TG: variants seen among roughly 807,000 people sequenced by gnomAD.
The protein encoded by TG is thyroglobulin, also known as thyroid hormones.
Under a neutral mutation model 324.7 loss-of-function variants are expected in TG, and 270 were observed. The ratio of observed to expected loss-of-function variants is 0.83; its 90% CI spans 0.75 to 0.92. The LOEUF is 0.92. Ranked by LOEUF, TG falls within the 40% of genes least tolerant of loss-of-function variation. The pLI is 0.00. For missense variants in TG, 3,591 were observed against 3,456.4 expected, an observed-to-expected ratio of 1.04 and a Z score of -0.98; for synonymous variants, 1,401 against 1,327.0, an observed-to-expected ratio of 1.06 and a Z score of -1.21.
intron 41 of TG, chr8:133,048,003 CCCA>C: frequency 3.4e-6 from 3 of 870,124 alleles, no homozygotes; most frequent in Non-Finnish European, 5.7e-6. Flanking sequence ...GAATGCGCCA[CCCA>C]CCGTACTAAG....
At position 133,032,259 on chromosome 8, in the gene TG, G is replaced by A. The variant is rs186079221; in HGVS notation, c.7239+2236G>A. Reference sequence around the variant, plus strand: ...CTTTGATTCCAGTTTTCTGCAATCTGTCCCTCCGAAGGTGATCCATCTCAG... The same window carrying A: ...CTTTGATTCCAGTTTTCTGCAATCTATCCCTCCGAAGGTGATCCATCTCAG... On this transcript the variant is annotated intron_variant, in intron 41 of 47. Transcript: ENST00000220616. Among the ~76,000 whole-genome samples, 363 of 152,236 alleles carry A rather than the reference G, an allele frequency of 2.4e-3. 1 individual carries two copies. Among genetic ancestry groups the A allele is most frequent in the African/African-American group, 8.4e-3 (348 of 41,542 alleles).
At chr8:133,062,550 G>A (rs1842517185) in intron 41 of TG, among the ~76,000 whole-genome samples, 1 of 152,268 alleles carries the variant, frequency 6.6e-6, no homozygotes, top group African/African-American at 2.4e-5. Context: ...TGCCTCCGAG[G>A]CCCGGGTCAG....
chr8:132,874,176 G>C (rs1839754680), intron 5 of TG, among the ~76,000 whole-genome samples: 1 of 151,776 alleles, frequency 6.6e-6, no homozygotes, highest in Non-Finnish European at 1.5e-5. Flanking sequence ...CATCTCAAAA[G>C]AAAAATAAAA....
intron 26 of TG, among the ~76,000 whole-genome samples, chr8:132,942,614 C>T (rs112413524): frequency 1.3e-5 from 2 of 152,068 alleles, no homozygotes; most frequent in Admixed American, 6.5e-5. Context: ...CAGTGTGCAC[C>T]GTGAAAGGGG....
Position 132,888,058 on chromosome 8 carries a change from A to C in TG, c.2251A>C (p.Met751Leu), listed in dbSNP as rs369797332. 6.2e-7 allele frequency: 1 copy of C among 1,614,146 alleles called. No individual in the cohort carries two copies. Among genetic ancestry groups the C allele is most frequent in the Non-Finnish European group, 8.5e-7 (1 of 1,180,034 alleles). ...TVQALLSNSSMLPTLSDTYIP... is the reference protein window; with the variant it reads ...TVQALLSNSSLLPTLSDTYIP... ...GCAGGCCCTGCTCTCTAACTCCAGCATGCTACCCACCCTTTCCGACACCTA... is the reference window on the plus strand; with the variant it reads ...GCAGGCCCTGCTCTCTAACTCCAGCCTGCTACCCACCCTTTCCGACACCTA... Residue 751 changes from methionine to leucine, a missense_variant, in exon 10 of 48, where the codon ATG (methionine) becomes CTG (leucine). Coordinates refer to ENST00000220616, the MANE Select transcript of TG (RefSeq NM_003235.5).
intron 35 of TG, among the ~76,000 whole-genome samples, chr8:132,992,810 C>G (rs1477874484): frequency 2.0e-5 from 3 of 152,216 alleles, no homozygotes; most frequent in Admixed American, 2.0e-4. Flanking sequence ...CAAAGTAGCT[C>G]CCTTCTGCAC....
intron 41 of TG, chr8:133,049,458 A>T: frequency 3.5e-6 from 1 of 284,110 alleles, no homozygotes; most frequent in Non-Finnish European, 7.0e-6. Flanking sequence ...ATATATTATT[A>T]TCCCTGTCGT....
chr8:133,014,139 G>C (rs1834812473), intron 37 of TG, among the ~76,000 whole-genome samples: 1 of 152,172 alleles, frequency 6.6e-6, no homozygotes, highest in Admixed American at 6.5e-5. Flanking sequence ...AAATCAGAAG[G>C]CTGTAGCCCA....
At chr8:132,973,809 A>G (rs1454934931) in intron 34 of TG, among the ~76,000 whole-genome samples, 1 of 152,106 alleles carries the variant, frequency 6.6e-6, no homozygotes, top group African/African-American at 2.4e-5. Flanking sequence ...AATTAGAGAG[A>G]GGCTGAGCAG....
chr8:132,882,990 C>T lies in TG; in HGVS notation c.1066C>T (p.Pro356Ser). 1 of 1,613,900 alleles carries T rather than the reference C, an allele frequency of 6.2e-7. No homozygotes were observed. Among genetic ancestry groups the T allele is most frequent in the Non-Finnish European group, 8.5e-7 (1 of 1,179,954 alleles). The part of the protein sequence containing the change: ...MHGTRQQGEP[P>S]SCAEGQSCAS... ...TGGAACCCGGCAGCAAGGGGAGCCG[C>T]CATCTTGTGGTGGGTTTCCTCTGGG... The change falls in exon 8 of 48, where the codon CCA (proline) becomes TCA (serine). Residue 356 changes from proline (P) to serine (S), a missense_variant. Transcript: ENST00000220616.
At chr8:133,102,893 G>A (rs1048245971) in intron 43 of TG, 4 of 329,684 alleles carry the variant, frequency 1.2e-5, no homozygotes, top group Non-Finnish European at 2.4e-5. Flanking sequence ...AGGTGGAGTG[G>A]GGGCCCTGTG....
At chr8:132,973,988 CTTT>C (rs869164425) in intron 34 of TG, among the ~76,000 whole-genome samples, 17,463 of 112,270 alleles carry the variant, frequency 0.16, 1,088 homozygotes, top group Middle Eastern at 0.27. Flanking sequence ...TTGACCATTC[CTTT>C]TTTTTTTTTT....
At chr8:132,929,502 G>A (rs910089688) in intron 23 of TG, among the ~76,000 whole-genome samples, 1 of 152,202 alleles carries the variant, frequency 6.6e-6, no homozygotes, top group African/African-American at 2.4e-5. Flanking sequence ...AGTGGGGCCA[G>A]AGAGGTGGTA....
chr8:132,908,214 C>T lies in TG; in HGVS notation c.3876C>T (p.Thr1292=), dbSNP rs763878374. The stretch of plus-strand genomic sequence containing the variant: ...CCCAGCTGTGGCAGACCATCCAGAC[C>T]CAAGGGCACTTTCAGCTCCAGCTCC... ...QRPQLWQTIQ[T]QGHFQLQLPP... Residue 1292 remains threonine, a synonymous_variant, in exon 18 of 48, where the codon ACC becomes ACT. Transcript: ENST00000220616. 1.2e-6 allele frequency: 2 copies of T among 1,614,002 alleles called. No homozygotes were observed. The highest frequency in any genetic ancestry group is 1.7e-6 in the Non-Finnish European group (2 of 1,179,992).
chr8:133,113,739 C>T (rs1850463564), intron 44 of TG, 136 bp downstream of exon 44: 2 of 1,039,190 alleles, frequency 1.9e-6, no homozygotes. Context: ...TTCATTCAGC[C>T]TACAGCATGG....
chr8:133,080,289 G>A (rs967756656), intron 41 of TG, among the ~76,000 whole-genome samples: 1 of 152,262 alleles, frequency 6.6e-6, no homozygotes, highest in South Asian at 2.1e-4. Flanking sequence ...CGTATGTTAC[G>A]TATTTAGTCT....
Position 133,013,782 on chromosome 8 carries a change from C to G in TG, c.6562+18C>G. The stretch of plus-strand genomic sequence containing the variant: ...GAAGCCAGGTAAGCCCAAGCCTATG[C>G]CTTTGCAGCCATCCTGGGAAACTGG... On this transcript the variant is annotated intron_variant, in intron 37 of 47. Transcript: ENST00000220616. 2.5e-6 allele frequency: 4 copies of G among 1,605,142 alleles called. No homozygotes were observed. The highest frequency in any genetic ancestry group is 1.3e-5 in the African/African-American group (1 of 75,004).
chr8:132,882,084 G>T, intron 6 of TG, 115 bp downstream of exon 6: 1 of 751,880 alleles, frequency 1.3e-6, no homozygotes, highest in East Asian at 2.6e-5. Context: ...CCCCTGCCAG[G>T]CTGCTGTGGG....
chr8:132,908,616 G>C (rs1447109285), intron 18 of TG, among the ~76,000 whole-genome samples: 1 of 152,148 alleles, frequency 6.6e-6, no homozygotes, highest in African/African-American at 2.4e-5. Flanking sequence ...AGGTCTAGTA[G>C]AGGGCTCAGA....
Sources: allele counts gnomAD v4.1 joint callset (sites outside exome capture counted in the v4.1 genomes callset), GRCh38; gene constraint gnomAD v4.1.1; transcripts MANE v1.5; gene names NCBI Gene and HGNC (gene_info 2026-07-23, HGNC 2026-07-21).